RC3H1: variants seen among roughly 807,000 people sequenced by gnomAD.
RC3H1 encodes roquin-1.
A neutral mutation model predicts 138.2 loss-of-function variants in RC3H1; 50 were observed. The observed-to-expected ratio is 0.36, with a 90% CI of 0.29 to 0.46. The LOEUF (loss-of-function observed/expected upper bound fraction) is 0.46. Ranked by LOEUF, RC3H1 falls within the 20% of genes least tolerant of loss-of-function variation. RC3H1 has a pLI of 1.00. For synonymous variants in RC3H1, 462 were observed against 489.1 expected, an observed-to-expected ratio of 0.94 and a Z score of 0.73; for missense variants, 1,031 against 1,388.1, an observed-to-expected ratio of 0.74 and a Z score of 4.09.
At chr1:174,003,564 G>A (rs1026366715) in intron 1 of RC3H1, among the ~76,000 whole-genome samples, 4 of 151,926 alleles carry the variant, frequency 2.6e-5, no homozygotes, top group African/African-American at 9.7e-5. Flanking sequence ...CTGGATCACT[G>A]TGACAATTTC....
intron 7 of RC3H1, among the ~76,000 whole-genome samples, chr1:173,976,995 T>C (rs59520434): frequency 0.29 from 43,340 of 150,338 alleles, 11,203 homozygotes; most frequent in African/African-American, 0.7. Flanking sequence ...CAGTCTCGGC[T>C]CACTGCAAAC....
chr1:173,962,176 T>TTTA, intron 11 of RC3H1, 81 bp from the exon 12 acceptor site: 4 of 1,256,354 alleles, frequency 3.2e-6, no homozygotes, highest in Non-Finnish European at 4.4e-6. Context: ...TTTAAAATAC[T>TTTA]GAAACACTAA....
chr1:173,982,388 A>G (rs1156393130), intron 5 of RC3H1, among the ~76,000 whole-genome samples: 3 of 152,224 alleles, frequency 2.0e-5, no homozygotes, highest in Non-Finnish European at 4.4e-5. Context: ...AAAAATAAAA[A>G]TAAATAAATA....
intron 1 of RC3H1, among the ~76,000 whole-genome samples, chr1:173,996,231 CAG>C (rs1661457101): frequency 6.6e-6 from 1 of 151,708 alleles, no homozygotes; most frequent in Non-Finnish European, 1.5e-5. Context: ...TCTAGATAAA[CAG>C]AGACATACCA....
intron 1 of RC3H1, among the ~76,000 whole-genome samples, chr1:174,013,996 A>G (rs959920460): frequency 6.6e-6 from 1 of 152,186 alleles, no homozygotes; most frequent in African/African-American, 2.4e-5. Flanking sequence ...TTCCAACCAC[A>G]TGACATTCTG....
At chr1:174,012,343 T>C (rs1199196778) in intron 1 of RC3H1, among the ~76,000 whole-genome samples, 1 of 152,178 alleles carries the variant, frequency 6.6e-6, no homozygotes, top group Admixed American at 6.5e-5. Context: ...GTTTAAAGAA[T>C]TATAAATAAT....
In RC3H1 at chr1:173,961,109, G is replaced by C; in HGVS notation, c.2338C>G (p.Pro780Ala). The part of the protein sequence containing the change: ...VISPPPFAPS[P>A]TLPPTFHPEE... Reference sequence around the variant, plus strand: ...GGATGAAAGGTAGGAGGCAAGGTTGGTGAAGGTGCAAAAGGAGGTGGAGAG... The same window carrying C: ...GGATGAAAGGTAGGAGGCAAGGTTGCTGAAGGTGCAAAAGGAGGTGGAGAG... The change falls in exon 13 of 20, where the codon CCA (proline) becomes GCA (alanine). Residue 780 changes from proline (P) to alanine (A), a missense_variant. Physicochemically the swap from Pro to Ala is conservative, Grantham distance 27. Transcript: ENST00000367696. 6.2e-7 allele frequency: 1 copy of C among 1,613,814 alleles called. No homozygotes were observed. The highest frequency in any genetic ancestry group is 8.5e-7 in the Non-Finnish European group (1 of 1,179,894).
intron 13 of RC3H1, among the ~76,000 whole-genome samples, chr1:173,958,676 T>C (rs1479184487): frequency 1.3e-5 from 2 of 152,062 alleles, no homozygotes; most frequent in Non-Finnish European, 2.9e-5. Context: ...ATCTAGACAT[T>C]AAGATAATAA....
At chr1:173,963,878 C>G (rs1412091573) in intron 11 of RC3H1, 95 bp downstream of exon 11, 2 of 968,038 alleles carry the variant, frequency 2.1e-6, no homozygotes, top group Non-Finnish European at 3.1e-6. Context: ...ATTTACTTAT[C>G]TTAAAGAGGC....
chr1:173,944,925 GCTTA>G (rs1485477199), intron 17 of RC3H1, among the ~76,000 whole-genome samples: 1 of 152,012 alleles, frequency 6.6e-6, no homozygotes, highest in East Asian at 1.9e-4. Flanking sequence ...TAAAGTGATG[GCTTA>G]CTTATTATTA....
intron 1 of RC3H1, among the ~76,000 whole-genome samples, chr1:174,017,212 C>A (rs1223230092): frequency 1.3e-5 from 2 of 152,172 alleles, no homozygotes; most frequent in African/African-American, 4.8e-5. Context: ...CAAACAAGTT[C>A]TAGATAGGAG....
chr1:173,962,954 A>C (rs1659944666), intron 11 of RC3H1, among the ~76,000 whole-genome samples: 1 of 152,230 alleles, frequency 6.6e-6, no homozygotes, highest in Admixed American at 6.5e-5. Context: ...TCAAAATTAA[A>C]TGACAGACTC....
chr1:174,000,312 C>A (rs1463698997), intron 1 of RC3H1, among the ~76,000 whole-genome samples: 18 of 152,122 alleles, frequency 1.2e-4, no homozygotes, highest in Admixed American at 1.2e-3. Flanking sequence ...ACATATGACA[C>A]ATTTATTACC....
In RC3H1 at chr1:173,972,724, A is replaced by G. The variant is rs2102975282; in HGVS notation, c.1103-97T>C. ...GAGTTACTTGAAAACATTTCAGTGA[A>G]ATCAAGCTTCACACCTTAGCTTTTT... is the stretch of plus-strand genomic sequence containing the variant. On this transcript the variant is annotated intron_variant, in intron 7 of 19. Transcript: ENST00000367696. 5.0e-6 allele frequency: 4 copies of G among 795,094 alleles called. No homozygotes were observed. In the East Asian group the frequency reaches 1.0e-4, roughly 20 times the overall value. The allele number at this position is 795,094 out of a possible 1,614,324, so 49.3% of individuals were successfully genotyped here. A position where few individuals can be genotyped will look rare whatever the true frequency, so the allele number is the denominator to read the frequency against.
Position 173,952,147 on chromosome 1 carries a change from G to T in RC3H1, c.2371-9C>A. On this transcript the variant is annotated splice_polypyrimidine_tract_variant and intron_variant, in intron 13 of 19. Transcript: ENST00000367696. ...AAGTCTTCATCCAAAAACTACAGAT[G>T]GAGAAAGAAAAAAAACAAAAAAAAA... 1 of 1,425,308 alleles carries T rather than the reference G, an allele frequency of 7.0e-7. No individual in the cohort carries two copies. Among genetic ancestry groups the T allele is most frequent in the Non-Finnish European group, 9.2e-7 (1 of 1,089,654 alleles). The allele number at this position is 1,425,308 out of a possible 1,614,324, so 88.3% of individuals were successfully genotyped here. A position where few individuals can be genotyped will look rare whatever the true frequency, so the allele number is the denominator to read the frequency against.
intron 1 of RC3H1, among the ~76,000 whole-genome samples, chr1:174,008,803 G>A (rs575212790): frequency 1.2e-4 from 18 of 151,816 alleles, no homozygotes; most frequent in Admixed American, 2.6e-4. Flanking sequence ...ATGGCGAAAC[G>A]CCATCTCTAC....
intron 13 of RC3H1, among the ~76,000 whole-genome samples, chr1:173,956,114 G>A (rs1467295216): frequency 7.6e-6 from 1 of 131,580 alleles, no homozygotes; most frequent in Admixed American, 8.1e-5. Flanking sequence ...CTGGGCAACA[G>A]AGCAAGAGTC....
intron 1 of RC3H1, among the ~76,000 whole-genome samples, chr1:174,012,224 C>CT (rs1051089999): frequency 2.5e-4 from 38 of 150,348 alleles, no homozygotes; most frequent in Admixed American, 2.0e-3. Context: ...GAGTGAGACT[C>CT]TGTCTCAAAA....
intron 2 of RC3H1, among the ~76,000 whole-genome samples, chr1:173,991,679 T>C (rs1244065380): frequency 6.6e-6 from 1 of 152,242 alleles, no homozygotes. Flanking sequence ...AGGTATTGGA[T>C]TTTGCCAAAT....
Sources: allele counts gnomAD v4.1 joint callset (sites outside exome capture counted in the v4.1 genomes callset), GRCh38; gene constraint gnomAD v4.1.1; transcripts MANE v1.5; gene names NCBI Gene and HGNC (gene_info 2026-07-23, HGNC 2026-07-21).